The following HPS3 variants were observed in gnomAD, a reference collection of about 807,000 sequenced individuals.
HPS3 encodes HPS3 biogenesis of lysosomal organelles complex 2 subunit 1.
In HPS3, 79 loss-of-function variants were observed where a neutral mutation model predicts 110.9. The observed-to-expected ratio is 0.71, with a 90% CI of 0.59 to 0.86. The LOEUF (loss-of-function observed/expected upper bound fraction) is 0.86, where lower values mean the gene tolerates loss of function less well. HPS3 is among the 40% of genes least tolerant of loss of function. The pLI is 0.00. For synonymous variants in HPS3, 428 were observed against 451.0 expected (o/e 0.95, Z 0.65); for missense variants, 1,197 against 1,206.2 (o/e 0.99, Z 0.11).
chr3:149,158,959 TC>T, intron 10 of HPS3, 113 bp downstream of exon 10: 1 of 741,972 alleles, frequency 1.3e-6, no homozygotes, highest in Non-Finnish European at 2.2e-6. Context: ...TCTTTGATAC[TC>T]TTTTTCTAAA....
chr3:149,157,710 CA>C (rs112667085), intron 9 of HPS3, among the ~76,000 whole-genome samples, 179 bp downstream of exon 9: 10 of 152,266 alleles, frequency 6.6e-5, no homozygotes, highest in African/African-American at 2.4e-4. Flanking sequence ...CTTAAACATA[CA>C]AAAATGAATG....
chr3:149,168,364 G>C (rs1235573082), intron 16 of HPS3: 1 of 206,818 alleles, frequency 4.8e-6, no homozygotes, highest in Non-Finnish European at 9.9e-6. Flanking sequence ...TTATAAGCAA[G>C]TATTGATGAA....
intron 16 of HPS3, among the ~76,000 whole-genome samples, chr3:149,169,782 C>A (rs1215360944): frequency 2.0e-5 from 3 of 152,056 alleles, no homozygotes; most frequent in Admixed American, 6.6e-5. Context: ...TTGTAATGAA[C>A]CAGGCTTATT....
chr3:149,163,796 C>A (rs373443188), intron 13 of HPS3, 46 bp from the exon 14 acceptor site: 483 of 1,044,400 alleles, frequency 4.6e-4, no homozygotes, highest in Non-Finnish European at 5.9e-4. Context: ...GATAAGCAAG[C>A]TTTTGTTGTT....
At position 149,163,844 on chromosome 3, in the gene HPS3, A is replaced by G; in HGVS notation, c.2484A>G (p.Ile828Met). Reference sequence around the variant, plus strand: ...TGAGAAATTCTTTTATGTTTTAGATAAATGCCTGTAGTCATTATGGCTTAA... The same window carrying G: ...TGAGAAATTCTTTTATGTTTTAGATGAATGCCTGTAGTCATTATGGCTTAA... ...TTPLRTSEDL[I>M]NACSHYGLIY... The change falls in exon 14 of 17, where the codon ATA becomes ATG. Residue 828 changes from isoleucine to methionine, a missense_variant and splice_region_variant. Physicochemically the swap from Ile to Met is conservative, Grantham distance 10 (BLOSUM62 1). Coordinates refer to ENST00000296051, the MANE Select transcript of HPS3 (RefSeq NM_032383.5). The G allele has an allele frequency of 6.7e-7, 1 of 1,489,348 alleles. No homozygotes were observed. Among genetic ancestry groups the G allele is most frequent in the Non-Finnish European group, 9.4e-7 (1 of 1,066,248 alleles). 92.3% of individuals were successfully genotyped at this position (1,489,348 alleles called of 1,614,324 possible).
chr3:149,140,296 C>G lies in HPS3; in HGVS notation c.510C>G (p.Phe170Leu). 1 of 1,613,782 alleles carries G rather than the reference C, an allele frequency of 6.2e-7. No individual in the cohort carries two copies. Among genetic ancestry groups the G allele is most frequent in the Non-Finnish European group, 8.5e-7 (1 of 1,179,682 alleles). ...SLKYQIINEE[F>L]SLLDFERSLI... ...AGTACCAGATCATTAATGAGGAATT[C>G]TCACTATTGGACTTTGAACGTTCTT... Residue 170 changes from phenylalanine to leucine, a missense_variant, in exon 2 of 17, where the codon TTC (phenylalanine) becomes TTG (leucine). Transcript: ENST00000296051.
At chr3:149,133,952 C>T (rs1195295788) in intron 1 of HPS3, among the ~76,000 whole-genome samples, 1 of 151,606 alleles carries the variant, frequency 6.6e-6, no homozygotes, top group Non-Finnish European at 1.5e-5. Flanking sequence ...TGGAAGCAAT[C>T]CTCCAATATC....
At chr3:149,148,138 G>C (rs1336415295) in intron 5 of HPS3, among the ~76,000 whole-genome samples, 2 of 152,064 alleles carry the variant, frequency 1.3e-5, no homozygotes, top group African/African-American at 2.4e-5. Context: ...CTCCCAAAGT[G>C]CTGGGATTAC....
chr3:149,139,926 T>C (rs1722330841), intron 1 of HPS3, 78 bp from the exon 2 acceptor site: 1 of 1,300,708 alleles, frequency 7.7e-7, no homozygotes, highest in African/African-American at 1.5e-5. Context: ...TAGAATTCAT[T>C]AATAGTACTC....
At chr3:149,163,745 C>A in intron 13 of HPS3, 97 bp from the exon 14 acceptor site, 1 of 724,344 alleles carries the variant, frequency 1.4e-6, no homozygotes, top group Non-Finnish European at 2.5e-6. Context: ...AATTCTATGA[C>A]ATGGCAGAGA....
intron 4 of HPS3, among the ~76,000 whole-genome samples, chr3:149,144,172 C>T (rs941350513): frequency 6.8e-6 from 1 of 147,906 alleles, no homozygotes. Flanking sequence ...GTTGGGAGTT[C>T]GAGACCAGCC....
chr3:149,164,103 A>G (rs1290586280), intron 14 of HPS3, among the ~76,000 whole-genome samples, 154 bp downstream of exon 14: 1 of 152,158 alleles, frequency 6.6e-6, no homozygotes, highest in Non-Finnish European at 1.5e-5. Context: ...CTTGGAGGGA[A>G]TGCCTGCCTC....
intron 16 of HPS3, among the ~76,000 whole-genome samples, chr3:149,171,698 C>CTTTTTTTTTT (rs1170000443): frequency 5.1e-5 from 6 of 118,254 alleles, no homozygotes; most frequent in African/African-American, 1.6e-4. Flanking sequence ...GAACTGGCTT[C>CTTTTTTTTTT]TTTTTTTTTT....
In HPS3 at chr3:149,129,929, A is replaced by G; in HGVS notation, c.206A>G (p.Tyr69Cys). 6.5e-7 allele frequency: 1 copy of G among 1,549,444 alleles called. No homozygotes were observed. Among genetic ancestry groups the G allele is most frequent in the Non-Finnish European group, 8.7e-7 (1 of 1,154,254 alleles). ...CTGGGCCGGGTGTTGCGCCTGGCCT[A>G]CAGCGAGGCTGGTGAGTAATCTAGA... ...STLGRVLRLA[Y>C]SEAGDYLVAI... Residue 69 changes from tyrosine to cysteine, a missense_variant, in exon 1 of 17, where the codon TAC (tyrosine) becomes TGC (cysteine). Coordinates refer to ENST00000296051, the MANE Select transcript of HPS3 (RefSeq NM_032383.5).
At chr3:149,145,321 A>AT (rs1489157956) in intron 4 of HPS3, 33 bp from the exon 5 acceptor site, 1 of 1,485,908 alleles carries the variant, frequency 6.7e-7, no homozygotes, top group African/African-American at 1.4e-5. Context: ...TACTGGTTTC[A>AT]TGGTGTTTTA....
chr3:149,150,716 G>C, intron 6 of HPS3, 36 bp downstream of exon 6: 1 of 1,481,958 alleles, frequency 6.7e-7, no homozygotes, highest in Non-Finnish European at 9.4e-7. Flanking sequence ...GAAACCTTAA[G>C]ATCACAAGGG....
rs565634870 is a variant in HPS3, at chr3:149,167,037, C to T, written c.2593C>T (p.Leu865Phe). Reference sequence around the variant, plus strand: ...CATTTCACTTTTCTGTTCATAGTCTCTTATATGTGGTCCTTCATTTGACAT... The same window carrying T: ...CATTTCACTTTTCTGTTCATAGTCTTTTATATGTGGTCCTTCATTTGACAT... The part of the protein sequence containing the change: ...YTEDLSKLQS[L>F]ICGPSFDIAS... The change falls in exon 15 of 17, where the codon CTT becomes TTT. Residue 865 changes from leucine to phenylalanine, a missense_variant. Leu to Phe is a conservative substitution (Grantham distance 22, BLOSUM62 0). Coordinates refer to ENST00000296051, the MANE Select transcript of HPS3 (RefSeq NM_032383.5). 3 of 1,610,852 alleles carry T rather than the reference C, an allele frequency of 1.9e-6. No homozygotes were observed. The highest frequency in any genetic ancestry group is 1.3e-5 in the African/African-American group (1 of 74,966).
intron 10 of HPS3, 122 bp downstream of exon 10, chr3:149,158,968 A>G (rs1723626103): frequency 2.9e-6 from 2 of 697,872 alleles, no homozygotes; most frequent in Non-Finnish European, 4.8e-6. Context: ...CTCTTTTTCT[A>G]AAAAAGTAAT....
Position 149,172,254 on chromosome 3 carries a change from T to G in HPS3, c.*32T>G. ...CATTTGAAAAATACCATAATGGCAT[T>G]TGAGACTGAATTTCTAAAAATTGAA... On this transcript the variant is annotated 3_prime_UTR_variant, in exon 17 of 17. Coordinates refer to ENST00000296051, the MANE Select transcript of HPS3 (RefSeq NM_032383.5). The G allele has an allele frequency of 6.2e-7, 1 of 1,600,532 alleles. No homozygotes were observed. The highest frequency in any genetic ancestry group is 8.5e-7 in the Non-Finnish European group (1 of 1,171,188).
Sources: gnomAD v4.1 joint callset for allele counts (sites outside exome capture counted in the v4.1 genomes callset) on GRCh38, gnomAD v4.1.1 for gene constraint, MANE v1.5 for transcripts, NCBI Gene and HGNC (gene_info 2026-07-23, HGNC 2026-07-21) for gene names.